Variants in GPHN observed in about 807,000 individuals in gnomAD.
GPHN encodes gephyrin.
In GPHN, 17 loss-of-function variants were observed where a neutral mutation model predicts 95.5. The observed-to-expected ratio is 0.18, with a 90% CI of 0.12 to 0.27. GPHN has a LOEUF of 0.27. Among genes scored for constraint, GPHN ranks in the 10% least tolerant of loss-of-function variants. The pLI is 1.00. For missense variants in GPHN, 660 were observed against 978.1 expected (o/e 0.67, Z 4.34); for synonymous variants, 320 against 322.5 (o/e 0.99, Z 0.08).
intron 2 of GPHN, among the ~76,000 whole-genome samples, chr14:66,690,806 G>T (rs73287830): frequency 0.03 from 4,611 of 152,056 alleles, 249 homozygotes; most frequent in African/African-American, 0.1. Context: ...GTTTGTTTGA[G>T]ACACAGCCTC....
intron 1 of GPHN, among the ~76,000 whole-genome samples, chr14:66,528,914 C>T (rs772769418): frequency 6.6e-6 from 1 of 152,152 alleles, no homozygotes; most frequent in African/African-American, 2.4e-5. Context: ...TTCATTTCAA[C>T]CTCAGTGAAT....
At chr14:66,730,488 A>AT (rs904850533) in intron 2 of GPHN, among the ~76,000 whole-genome samples, 1 of 151,962 alleles carries the variant, frequency 6.6e-6, no homozygotes, top group South Asian at 2.1e-4. Context: ...AAGTTCTCAT[A>AT]TTTTTTTTAC....
At chr14:67,019,753 G>T (rs558301608) in intron 9 of GPHN, among the ~76,000 whole-genome samples, 1 of 152,244 alleles carries the variant, frequency 6.6e-6, no homozygotes, top group South Asian at 2.1e-4. Context: ...TGACATCGCA[G>T]GGAACGGTGA....
At chr14:67,317,524 G>A in the GPHN span, 11 of 1,350,540 alleles carry the variant, frequency 8.1e-6, no homozygotes, top group Non-Finnish European at 1.1e-5. Flanking sequence ...TCTGAAAGGA[G>A]TCTAAACCTA....
the GPHN span, chr14:67,572,096 G>A: frequency 3.8e-6 from 6 of 1,586,018 alleles, no homozygotes; most frequent in East Asian, 1.4e-4. Context: ...AGTCGGGGAG[G>A]TGTGGGACCC....
At chr14:67,434,594 C>A in the GPHN span, among the ~76,000 whole-genome samples, 1 of 152,178 alleles carries the variant, frequency 6.6e-6, no homozygotes, top group Admixed American at 6.5e-5. Context: ...AGCCACTAGA[C>A]TCTAAGCAAA....
chr14:67,124,408 C>T (rs1264953918), intron 17 of GPHN, among the ~76,000 whole-genome samples: 1 of 152,078 alleles, frequency 6.6e-6, no homozygotes, highest in Non-Finnish European at 1.5e-5. Context: ...TCCAGGGCCC[C>T]TCGTCCTAAG....
the GPHN span, among the ~76,000 whole-genome samples, chr14:67,599,741 T>C: frequency 1.4e-4 from 22 of 152,322 alleles, 1 homozygote; most frequent in South Asian, 3.5e-3. Flanking sequence ...GTTAAAGTTT[T>C]AGGCCGTCGC....
chr14:67,244,517 A>G, the GPHN span, among the ~76,000 whole-genome samples: 1 of 152,238 alleles, frequency 6.6e-6, no homozygotes, highest in Non-Finnish European at 1.5e-5. Context: ...AATGAAGTTA[A>G]CTTTTCATTG....
At chr14:67,243,210 A>T in the GPHN span, among the ~76,000 whole-genome samples, 1 of 151,170 alleles carries the variant, frequency 6.6e-6, no homozygotes, top group African/African-American at 2.4e-5. Context: ...TTTTTGTGAG[A>T]CATAGTCTCG....
the GPHN span, among the ~76,000 whole-genome samples, chr14:67,438,893 G>A: frequency 6.8e-6 from 1 of 146,710 alleles, no homozygotes; most frequent in African/African-American, 2.5e-5. Context: ...GCTAGATTAT[G>A]AAGTTTTGGA....
chr14:66,894,025 T>C (rs1341215589), intron 5 of GPHN, among the ~76,000 whole-genome samples: 1 of 152,168 alleles, frequency 6.6e-6, no homozygotes. Flanking sequence ...TTAAGGTTCA[T>C]ATGGAACCAA....
At chr14:67,354,781 C>A in the GPHN span, among the ~76,000 whole-genome samples, 1 of 152,090 alleles carries the variant, frequency 6.6e-6, no homozygotes, top group African/African-American at 2.4e-5. Flanking sequence ...TATGGATTTA[C>A]TTTTTACTAC....
the GPHN span, among the ~76,000 whole-genome samples, chr14:67,347,916 C>CTT: frequency 2.1e-5 from 3 of 146,158 alleles, no homozygotes; most frequent in Non-Finnish European, 4.5e-5. Flanking sequence ...AACTTGCCTT[C>CTT]TTTTTTTTTT....
intron 20 of GPHN, among the ~76,000 whole-genome samples, chr14:67,166,611 C>CT (rs1201605116): frequency 6.6e-6 from 1 of 151,884 alleles, no homozygotes; most frequent in Non-Finnish European, 1.5e-5. Flanking sequence ...CAAGGATTTT[C>CT]TTTCTTGTTT....
At chr14:67,273,472 A>G in the GPHN span, among the ~76,000 whole-genome samples, 3 of 152,254 alleles carry the variant, frequency 2.0e-5, no homozygotes, top group South Asian at 6.2e-4. Flanking sequence ...TTATGGCTGC[A>G]TAGTATTCCA....
the GPHN span, among the ~76,000 whole-genome samples, chr14:67,548,765 G>A: frequency 1.8e-4 from 27 of 152,308 alleles, no homozygotes; most frequent in African/African-American, 6.3e-4. Flanking sequence ...ACTTCTAACT[G>A]AAGCAGCGTT....
intron 2 of GPHN, among the ~76,000 whole-genome samples, chr14:66,729,545 G>C (rs2071574631): frequency 6.6e-6 from 1 of 152,118 alleles, no homozygotes; most frequent in Admixed American, 6.5e-5. Flanking sequence ...TTACTAGAAA[G>C]GGAAATTTGA....
chr14:66,570,810 A>C (rs1235852313), intron 1 of GPHN, among the ~76,000 whole-genome samples: 1 of 152,104 alleles, frequency 6.6e-6, no homozygotes, highest in African/African-American at 2.4e-5. Context: ...AGCCATTCTA[A>C]CAGGTGTGAG....
Sources: allele counts gnomAD v4.1 joint callset (sites outside exome capture counted in the v4.1 genomes callset), GRCh38; gene constraint gnomAD v4.1.1; transcripts MANE v1.5; gene names NCBI Gene and HGNC (gene_info 2026-07-23, HGNC 2026-07-21).